LRBA: variants seen among roughly 807,000 people sequenced by gnomAD.
LRBA encodes lipopolysaccharide-responsive and beige-like anchor protein.
LRBA carries 176 observed loss-of-function variants against 330.0 expected under a neutral mutation model. The ratio of observed to expected loss-of-function variants is 0.53; its 90% CI spans 0.47 to 0.60. LRBA has a LOEUF of 0.60. LRBA is among the 20% of genes least tolerant of loss of function. LRBA has a pLI of 0.00. For synonymous variants in LRBA, 1,230 were observed against 1,193.0 expected (o/e 1.03, Z -0.64); for missense variants, 3,259 against 3,444.8 (o/e 0.95, Z 1.35).
At chr4:150,359,762 C>T (rs1165077646) in intron 47 of LRBA, among the ~76,000 whole-genome samples, 2 of 151,900 alleles carry the variant, frequency 1.3e-5, no homozygotes, top group Admixed American at 6.6e-5. Context: ...GGGTGGATCA[C>T]GAGGTTAGGA....
At chr4:150,617,734 G>T (rs554642001) in intron 37 of LRBA, among the ~76,000 whole-genome samples, 64 of 152,268 alleles carry the variant, frequency 4.2e-4, no homozygotes, top group Admixed American at 7.2e-4. Flanking sequence ...AAGCCATATA[G>T]GCTACGCATC....
intron 35 of LRBA, among the ~76,000 whole-genome samples, chr4:150,747,649 A>G (rs1424341315): frequency 6.6e-6 from 1 of 152,158 alleles, no homozygotes; most frequent in Non-Finnish European, 1.5e-5. Flanking sequence ...GGTTCTTAAA[A>G]CATTTTCTTC....
At chr4:150,274,721 T>TA (rs759772255) in intron 56 of LRBA, among the ~76,000 whole-genome samples, 2 of 152,146 alleles carry the variant, frequency 1.3e-5, no homozygotes, top group Non-Finnish European at 2.9e-5. Context: ...CTTGGGCACA[T>TA]ACACCCTCCA....
chr4:150,488,586 C>T (rs935034373), intron 41 of LRBA, among the ~76,000 whole-genome samples: 2 of 150,452 alleles, frequency 1.3e-5, no homozygotes, highest in African/African-American at 4.9e-5. Context: ...AAATTTTTAC[C>T]CATTTAAAGA....
intron 2 of LRBA, among the ~76,000 whole-genome samples, chr4:150,988,082 T>C (rs774914064): frequency 1.2e-4 from 18 of 151,670 alleles, no homozygotes; most frequent in East Asian, 3.9e-4. Flanking sequence ...TCCATCATCA[T>C]AGATTATTAG....
intron 48 of LRBA, among the ~76,000 whole-genome samples, chr4:150,340,350 A>G (rs566037828): frequency 9.2e-5 from 14 of 152,336 alleles, no homozygotes; most frequent in African/African-American, 2.6e-4. Context: ...GATTGCTATA[A>G]AGATTCAACC....
chr4:150,648,647 C>G (rs376493581), intron 37 of LRBA, among the ~76,000 whole-genome samples: 1 of 151,924 alleles, frequency 6.6e-6, no homozygotes, highest in Non-Finnish European at 1.5e-5. Flanking sequence ...AAACAGGAGT[C>G]TCTTTCCCAT....
chr4:150,851,930 G>A lies in LRBA; in HGVS notation c.3780C>T (p.Ala1260=). The part of the protein sequence containing the change: ...ATDTERLELK[A]SPNVEAPQPH... The stretch of plus-strand genomic sequence containing the variant: ...GTTGAGGTGCTTCCACGTTGGGACT[G>A]GCCTTCAACTCCAGCCTCTCAGTAT... The change falls in exon 23 of 57, where the codon GCC becomes GCT. Residue 1260 remains alanine (A), a synonymous_variant. Coordinates refer to ENST00000651943, the MANE Select transcript of LRBA (RefSeq NM_001364905.1). 1 of 1,613,970 alleles carries A rather than the reference G, an allele frequency of 6.2e-7. No individual in the cohort carries two copies. Among genetic ancestry groups the A allele is most frequent in the Non-Finnish European group, 8.5e-7 (1 of 1,179,954 alleles).
intron 40 of LRBA, among the ~76,000 whole-genome samples, chr4:150,524,313 T>A (rs1262396385): frequency 1.3e-5 from 2 of 152,212 alleles, no homozygotes; most frequent in Admixed American, 6.5e-5. Flanking sequence ...TTGTACTCCA[T>A]AATTTCTCAC....
chr4:150,786,366 C>G (rs1033235755), intron 34 of LRBA, among the ~76,000 whole-genome samples: 1 of 151,634 alleles, frequency 6.6e-6, no homozygotes, highest in African/African-American at 2.4e-5. Context: ...GCCTCAGCCT[C>G]CCGAGCAGCT....
intron 34 of LRBA, among the ~76,000 whole-genome samples, chr4:150,796,799 A>C (rs926878768): frequency 6.6e-6 from 1 of 152,006 alleles, no homozygotes; most frequent in Non-Finnish European, 1.5e-5. Flanking sequence ...GTAAGGAAAC[A>C]TCCAAAACCA....
At chr4:150,507,137 A>C (rs1345051415) in intron 40 of LRBA, among the ~76,000 whole-genome samples, 5 of 151,592 alleles carry the variant, frequency 3.3e-5, no homozygotes, top group Non-Finnish European at 7.4e-5. Flanking sequence ...AATATCATGA[A>C]AATGGCCATA....
chr4:150,592,112 G>T (rs935492120), intron 38 of LRBA, among the ~76,000 whole-genome samples: 3 of 147,352 alleles, frequency 2.0e-5, no homozygotes, highest in Admixed American at 6.7e-5. Context: ...TACCCAGGCT[G>T]CGGCTTTTGA....
intron 17 of LRBA, among the ~76,000 whole-genome samples, chr4:150,889,356 T>C (rs1198548599): frequency 6.6e-6 from 1 of 151,978 alleles, no homozygotes; most frequent in East Asian, 1.9e-4. Flanking sequence ...AAAAAAACAC[T>C]TTCAGGCCAG....
intron 22 of LRBA, among the ~76,000 whole-genome samples, chr4:150,864,216 G>A (rs751286894): frequency 3.3e-5 from 5 of 152,014 alleles, no homozygotes; most frequent in Non-Finnish European, 5.9e-5. Flanking sequence ...GATTACAGGC[G>A]TGAGCCACCG....
intron 40 of LRBA, among the ~76,000 whole-genome samples, chr4:150,520,738 G>C (rs1402385719): frequency 6.6e-6 from 1 of 152,120 alleles, no homozygotes; most frequent in Non-Finnish European, 1.5e-5. Flanking sequence ...CAACCATTGA[G>C]TACTCATGGA....
At chr4:150,508,818 A>AT (rs1290720065) in intron 40 of LRBA, among the ~76,000 whole-genome samples, 1 of 152,234 alleles carries the variant, frequency 6.6e-6, no homozygotes, top group Non-Finnish European at 1.5e-5. Flanking sequence ...AAGATTGAAA[A>AT]ATCAATAAAG....
intron 44 of LRBA, among the ~76,000 whole-genome samples, chr4:150,444,621 A>T (rs574212629): frequency 2.0e-5 from 3 of 152,274 alleles, no homozygotes; most frequent in African/African-American, 7.2e-5. Flanking sequence ...AAAAAATTTC[A>T]TCAGCACACC....
At chr4:150,933,620 T>C (rs1734748541) in intron 2 of LRBA, among the ~76,000 whole-genome samples, 1 of 152,046 alleles carries the variant, frequency 6.6e-6, no homozygotes, top group South Asian at 2.1e-4. Flanking sequence ...ATCTATTGCA[T>C]AGAAGGCAAA....
Sources: gnomAD v4.1 joint callset for allele counts (sites outside exome capture counted in the v4.1 genomes callset) on GRCh38, gnomAD v4.1.1 for gene constraint, MANE v1.5 for transcripts, NCBI Gene and HGNC (gene_info 2026-07-23, HGNC 2026-07-21) for gene names.